The following SAMD5 variants were observed in gnomAD, a reference collection of about 807,000 sequenced individuals.
SAMD5 encodes the protein sterile alpha motif domain-containing protein 5.
A neutral mutation model predicts 11.3 loss-of-function variants in SAMD5; 13 were observed. The observed-to-expected ratio is 1.15, with a 90% CI of 0.75 to 1.83. SAMD5 has a LOEUF of 1.83. Ranked by LOEUF, SAMD5 falls within the 40% of genes most tolerant of loss-of-function variation. SAMD5 has a pLI of 0.00. For missense variants in SAMD5, 255 were observed against 239.1 expected, an observed-to-expected ratio of 1.07 and a Z score of -0.44; for synonymous variants, 129 against 111.3, an observed-to-expected ratio of 1.16 and a Z score of -1.00.
At chr6:147,907,407 T>A in the SAMD5 span, among the ~76,000 whole-genome samples, 1 of 151,758 alleles carries the variant, frequency 6.6e-6, no homozygotes. Context: ...GTGTCCCCCA[T>A]ATTATTAGGT....
chr6:147,518,350 T>G (rs1418510331), intron 1 of SAMD5, among the ~76,000 whole-genome samples: 2 of 152,162 alleles, frequency 1.3e-5, no homozygotes, highest in African/African-American at 4.8e-5. Flanking sequence ...AAGGCAGGGG[T>G]AGCAATATTA....
At chr6:147,789,933 G>A in the SAMD5 span, among the ~76,000 whole-genome samples, 17 of 152,286 alleles carry the variant, frequency 1.1e-4, no homozygotes, top group African/African-American at 4.1e-4. Context: ...AAAGCCTGAC[G>A]ATACTAATCA....
At chr6:147,694,185 C>A (rs1345523254) in intron 1 of SAMD5, among the ~76,000 whole-genome samples, 1 of 152,154 alleles carries the variant, frequency 6.6e-6, no homozygotes, top group East Asian at 1.9e-4. Flanking sequence ...TAGGAAACAT[C>A]TGGTAAGGGG....
chr6:147,842,954 G>T, the SAMD5 span, among the ~76,000 whole-genome samples: 1,415 of 152,242 alleles, frequency 9.3e-3, 24 homozygotes, highest in African/African-American at 0.032. Flanking sequence ...CTGCCTCCCA[G>T]GTTCAAGTGA....
chr6:147,763,531 G>A, the SAMD5 span, among the ~76,000 whole-genome samples: 3 of 151,420 alleles, frequency 2.0e-5, no homozygotes, highest in Non-Finnish European at 2.9e-5. Flanking sequence ...TTTACATAAT[G>A]TTCTTTCCTG....
chr6:147,932,426 T>A, the SAMD5 span, among the ~76,000 whole-genome samples: 3 of 152,132 alleles, frequency 2.0e-5, no homozygotes, highest in Non-Finnish European at 2.9e-5. Flanking sequence ...GGTGTGCAGT[T>A]ACGTCATCAG....
chr6:147,727,269 G>A (rs1791642293), intron 1 of SAMD5, among the ~76,000 whole-genome samples: 1 of 152,152 alleles, frequency 6.6e-6, no homozygotes, highest in Non-Finnish European at 1.5e-5. Flanking sequence ...CAATTTGCTT[G>A]ACAAACTCCT....
intron 1 of SAMD5, among the ~76,000 whole-genome samples, chr6:147,517,410 A>G (rs911427424): frequency 1.3e-5 from 2 of 152,124 alleles, no homozygotes; most frequent in Non-Finnish European, 2.9e-5. Flanking sequence ...GTTTGCTTGG[A>G]CATCTCAGCT....
At chr6:147,875,412 C>T in the SAMD5 span, among the ~76,000 whole-genome samples, 8 of 152,162 alleles carry the variant, frequency 5.3e-5, no homozygotes, top group Non-Finnish European at 1.0e-4. Flanking sequence ...TACACCCCCA[C>T]ATGCCTCTAG....
the SAMD5 span, among the ~76,000 whole-genome samples, chr6:147,774,211 A>G: frequency 6.6e-6 from 1 of 152,002 alleles, no homozygotes; most frequent in Admixed American, 6.6e-5. Flanking sequence ...TCACCTCCCA[A>G]ATGTCCCACC....
In SAMD5 at chr6:147,569,619, G is replaced by A. The variant is rs938179938; in HGVS notation, c.*5163G>A. 24 of 985,140 alleles carry A rather than the reference G, an allele frequency of 2.4e-5. No individual in the cohort carries two copies. The African/African-American group carries it at 3.7e-4, about 15-fold the overall frequency. 61.0% of individuals were successfully genotyped at this position (985,140 alleles called of 1,614,324 possible). A position where few individuals can be genotyped will look rare whatever the true frequency, so the allele number is the denominator to read the frequency against. ...TCCAGGGCAAAGTGGTATGTTGACTGGGACAAACGTTAGAAATTGTATTGT... is the reference window on the plus strand; with the variant it reads ...TCCAGGGCAAAGTGGTATGTTGACTAGGACAAACGTTAGAAATTGTATTGT... On this transcript the variant is annotated 3_prime_UTR_variant, in exon 2 of 2. Coordinates refer to ENST00000367474, the MANE Select transcript of SAMD5 (RefSeq NM_001030060.3).
At chr6:147,811,735 C>T in the SAMD5 span, among the ~76,000 whole-genome samples, 1 of 151,418 alleles carries the variant, frequency 6.6e-6, no homozygotes, top group Non-Finnish European at 1.5e-5. Flanking sequence ...CAACAATGAA[C>T]TTTAGATACT....
rs144801413 is a variant in SAMD5 at position 147,518,244 on chromosome 6, A to C, written c.459+8857A>C. On this transcript the variant is annotated intron_variant, in intron 1 of 1. Transcript: ENST00000367474. Reference sequence around the variant, plus strand: ...ATTTGCTGGTCCTTCTGTTCTTAGAAAGCCCTCTACGAAACTACCACCTTA... The same window carrying C: ...ATTTGCTGGTCCTTCTGTTCTTAGACAGCCCTCTACGAAACTACCACCTTA... Among the ~76,000 whole-genome samples, 14 of 152,238 alleles carry C rather than the reference A, an allele frequency of 9.2e-5. No homozygotes were observed. The East Asian group carries it at 1.9e-3, about 21-fold the overall frequency.
the SAMD5 span, among the ~76,000 whole-genome samples, chr6:147,880,228 C>G: frequency 6.6e-6 from 1 of 152,146 alleles, no homozygotes; most frequent in Non-Finnish European, 1.5e-5. Flanking sequence ...GACTTTGTCT[C>G]TTTCCATTTA....
intron 1 of SAMD5, among the ~76,000 whole-genome samples, chr6:147,563,130 C>T (rs1178713650): frequency 6.6e-6 from 1 of 151,994 alleles, no homozygotes; most frequent in Non-Finnish European, 1.5e-5. Context: ...CTTCGTAAGC[C>T]TGGATAGTAA....
chr6:147,626,135 G>A (rs923424230), intron 1 of SAMD5, among the ~76,000 whole-genome samples: 10 of 152,144 alleles, frequency 6.6e-5, no homozygotes, highest in East Asian at 5.8e-4. Flanking sequence ...GATATGATGG[G>A]TGGAGTTGCA....
the SAMD5 span, among the ~76,000 whole-genome samples, chr6:147,926,908 A>G: frequency 5.6e-4 from 86 of 152,270 alleles, no homozygotes; most frequent in African/African-American, 1.9e-3. Flanking sequence ...CAGTTATTTC[A>G]GCACCATTTA....
At chr6:147,555,009 G>A (rs1054120216) in intron 1 of SAMD5, among the ~76,000 whole-genome samples, 1 of 152,172 alleles carries the variant, frequency 6.6e-6, no homozygotes. Context: ...GGATAAAAAT[G>A]TTAACGTCGA....
chr6:147,855,045 G>A, the SAMD5 span, among the ~76,000 whole-genome samples: 1 of 152,124 alleles, frequency 6.6e-6, no homozygotes. Flanking sequence ...GGAGGCTTCA[G>A]GGAGAATAAG....
Sources: gnomAD v4.1 joint callset for allele counts (sites outside exome capture counted in the v4.1 genomes callset) on GRCh38, gnomAD v4.1.1 for gene constraint, MANE v1.5 for transcripts, NCBI Gene and HGNC (gene_info 2026-07-23, HGNC 2026-07-21) for gene names.